The following MSI2 variants were observed in gnomAD, a reference collection of about 807,000 sequenced individuals.
MSI2 encodes the protein musashi RNA binding protein 2, also known as RNA-binding protein Musashi homolog 2.
A neutral mutation model predicts 45.6 loss-of-function variants in MSI2; 17 were observed. The observed-to-expected ratio is 0.37, with a 90% CI of 0.26 to 0.56. MSI2 has a LOEUF of 0.56. MSI2 is among the 20% of genes least tolerant of loss of function. The pLI, the probability that MSI2 is intolerant of heterozygous loss-of-function variation, is 0.77. For missense variants in MSI2, 293 were observed against 444.2 expected, an observed-to-expected ratio of 0.66 and a Z score of 3.06; for synonymous variants, 156 against 158.2, an observed-to-expected ratio of 0.99 and a Z score of 0.11.
chr17:57,639,064 T>C (rs1027407887), intron 10 of MSI2, among the ~76,000 whole-genome samples: 18 of 152,206 alleles, frequency 1.2e-4, no homozygotes, highest in African/African-American at 3.6e-4. Flanking sequence ...GCCAGCTCTC[T>C]GGGGTCTCTT....
At chr17:57,295,408 C>T (rs1044034724) in intron 5 of MSI2, among the ~76,000 whole-genome samples, 1 of 152,118 alleles carries the variant, frequency 6.6e-6, no homozygotes, top group Non-Finnish European at 1.5e-5. Context: ...GGTTGTGTCA[C>T]ACCCACTGAG....
intron 7 of MSI2, among the ~76,000 whole-genome samples, chr17:57,572,552 A>G (rs996456683): frequency 6.6e-6 from 1 of 152,144 alleles, no homozygotes; most frequent in Non-Finnish European, 1.5e-5. Context: ...GTCTTTGTCC[A>G]TTTTGTCACC....
intron 6 of MSI2, among the ~76,000 whole-genome samples, chr17:57,405,287 T>C (rs1160477441): frequency 6.6e-6 from 1 of 152,202 alleles, no homozygotes; most frequent in Non-Finnish European, 1.5e-5. Context: ...TCTGCTCTTG[T>C]AGGATGAAAG....
intron 7 of MSI2, among the ~76,000 whole-genome samples, chr17:57,554,781 A>G (rs1168929684): frequency 1.3e-5 from 2 of 152,258 alleles, no homozygotes; most frequent in Admixed American, 6.5e-5. Context: ...CACACAGCCA[A>G]TGACAGAGCT....
intron 7 of MSI2, among the ~76,000 whole-genome samples, chr17:57,569,193 T>G (rs1158466798): frequency 6.6e-6 from 1 of 152,174 alleles, no homozygotes; most frequent in Non-Finnish European, 1.5e-5. Context: ...TGCCAGCATG[T>G]GCTTCTAATC....
chr17:57,286,641 T>A (rs2143424494), intron 5 of MSI2, among the ~76,000 whole-genome samples: 1 of 152,248 alleles, frequency 6.6e-6, no homozygotes, highest in South Asian at 2.1e-4. Flanking sequence ...GCCTTACCAG[T>A]GACCTTTCCC....
intron 5 of MSI2, among the ~76,000 whole-genome samples, chr17:57,308,982 G>T (rs1912144876): frequency 6.6e-6 from 1 of 152,150 alleles, no homozygotes; most frequent in South Asian, 2.1e-4. Context: ...CACCTGGCAG[G>T]CTTCCCAGGT....
At chr17:57,363,763 C>CGACAACA (rs1376590931) in intron 5 of MSI2, among the ~76,000 whole-genome samples, 2 of 137,194 alleles carry the variant, frequency 1.5e-5, no homozygotes, top group African/African-American at 6.1e-5. Flanking sequence ...GCAGCAACAA[C>CGACAACA]AACAACAACA....
intron 11 of MSI2, among the ~76,000 whole-genome samples, chr17:57,656,432 C>T (rs1911594347): frequency 6.6e-6 from 1 of 152,204 alleles, no homozygotes; most frequent in South Asian, 2.1e-4. Flanking sequence ...CTCCTTCAAG[C>T]CCTTCTACTC....
intron 5 of MSI2, among the ~76,000 whole-genome samples, chr17:57,269,306 G>A (rs995735510): frequency 6.6e-6 from 1 of 152,156 alleles, no homozygotes; most frequent in African/African-American, 2.4e-5. Context: ...CAGGTGCTGT[G>A]GGGAACCTGT....
At chr17:57,444,586 A>G (rs2084860929) in intron 6 of MSI2, 1 of 143,166 alleles carries the variant, frequency 7.0e-6, no homozygotes, top group South Asian at 2.2e-4. Context: ...GTCTCAAAAG[A>G]AAAAAAAAAA....
At chr17:57,620,535 G>A (rs1308952402) in intron 9 of MSI2, among the ~76,000 whole-genome samples, 1 of 152,182 alleles carries the variant, frequency 6.6e-6, no homozygotes, top group Non-Finnish European at 1.5e-5. Context: ...TTATTAACAA[G>A]GCACTAGGAA....
At chr17:57,597,814 C>T (rs1415089911) in intron 8 of MSI2, among the ~76,000 whole-genome samples, 1 of 152,190 alleles carries the variant, frequency 6.6e-6, no homozygotes, top group African/African-American at 2.4e-5. Flanking sequence ...AACTATTTTT[C>T]TCTTTGGGTC....
At chr17:57,559,826 G>A (rs1211607325) in intron 7 of MSI2, among the ~76,000 whole-genome samples, 1 of 152,262 alleles carries the variant, frequency 6.6e-6, no homozygotes, top group Non-Finnish European at 1.5e-5. Context: ...GGCCACAATG[G>A]CCAAGTGGTG....
Position 57,529,542 on chromosome 17 carries a change from T to C in MSI2, c.406-134T>C. On this transcript the variant is annotated intron_variant, in intron 6 of 13. Coordinates refer to ENST00000284073, the MANE Select transcript of MSI2 (RefSeq NM_138962.4). This position sits in a 1 kb window ranked among gnomAD's most constrained non-coding sequence, Gnocchi z 5.3. ...TTTTTTTCTTTCTACTTTTTTGCATTTTCAAATATTTTTTGATAAGCAACT... is the reference window on the plus strand; with the variant it reads ...TTTTTTTCTTTCTACTTTTTTGCATCTTCAAATATTTTTTGATAAGCAACT... The C allele has an allele frequency of 1.3e-6, 1 of 773,610 alleles. No individual in the cohort carries two copies. The allele number at this position is 773,610 out of a possible 1,614,324, so 47.9% of individuals were successfully genotyped here.
intron 8 of MSI2, among the ~76,000 whole-genome samples, chr17:57,613,291 A>C (rs753666703): frequency 2.0e-5 from 3 of 152,186 alleles, no homozygotes; most frequent in Admixed American, 6.5e-5. Context: ...TTTTTCAAAA[A>C]GTCAGTGACA....
At chr17:57,472,121 G>A (rs901918127) in intron 6 of MSI2, among the ~76,000 whole-genome samples, 1 of 152,210 alleles carries the variant, frequency 6.6e-6, no homozygotes, top group African/African-American at 2.4e-5. Context: ...GTTCCTGCCT[G>A]TGAGTGGGCC....
chr17:57,623,317 G>T (rs1040997980), intron 9 of MSI2, among the ~76,000 whole-genome samples: 1 of 152,106 alleles, frequency 6.6e-6, no homozygotes, highest in African/African-American at 2.4e-5. Flanking sequence ...GGGGCCTGGT[G>T]GGAGCCGTTT....
intron 9 of MSI2, 71 bp downstream of exon 9, chr17:57,616,155 C>A: frequency 1.7e-6 from 2 of 1,185,914 alleles, no homozygotes; most frequent in Admixed American, 2.0e-5. Context: ...CCAACTGGGT[C>A]ACCTACCAGT....
Sources: gnomAD v4.1 joint callset for allele counts (sites outside exome capture counted in the v4.1 genomes callset) on GRCh38, gnomAD v4.1.1 for gene constraint, Gnocchi (gnomAD v3.1) non-coding constraint, MANE v1.5 for transcripts, NCBI Gene and HGNC (gene_info 2026-07-23, HGNC 2026-07-21) for gene names.